Variants in GPC5 observed in about 807,000 individuals in gnomAD.
The protein encoded by GPC5 is glypican-5.
In GPC5, 47 loss-of-function variants were observed where a neutral mutation model predicts 53.9. That is an observed-to-expected ratio of 0.87 (90% CI 0.69 to 1.11). The LOEUF (loss-of-function observed/expected upper bound fraction) is 1.11. Among genes scored for constraint, GPC5 ranks in the 50% most tolerant of loss-of-function variants. The pLI is 0.00. For missense variants in GPC5, 748 were observed against 713.1 expected, an observed-to-expected ratio of 1.05 and a Z score of -0.56; for synonymous variants, 286 against 263.3, an observed-to-expected ratio of 1.09 and a Z score of -0.84.
chr13:91,567,728 A>G (rs1403497221), intron 2 of GPC5, among the ~76,000 whole-genome samples: 1 of 152,190 alleles, frequency 6.6e-6, no homozygotes, highest in Non-Finnish European at 1.5e-5. Flanking sequence ...GACCTTCAGC[A>G]GGGGTAACTG....
chr13:92,108,585 C>T (rs974450699), intron 6 of GPC5, among the ~76,000 whole-genome samples: 1 of 152,094 alleles, frequency 6.6e-6, no homozygotes. Context: ...TGTAAATCAC[C>T]ACAAAATAAT....
At chr13:92,495,992 G>C (rs1259794778) in intron 7 of GPC5, among the ~76,000 whole-genome samples, 3 of 151,774 alleles carry the variant, frequency 2.0e-5, no homozygotes, top group African/African-American at 7.3e-5. Flanking sequence ...TTAAATTTCT[G>C]TATCTCTTGA....
At chr13:92,008,112 G>T (rs915920745) in intron 6 of GPC5, among the ~76,000 whole-genome samples, 3 of 149,130 alleles carry the variant, frequency 2.0e-5, no homozygotes, top group Admixed American at 6.7e-5. Context: ...GCCCAGGCTG[G>T]AGTGCAGTGG....
At chr13:92,001,741 G>C (rs1177482184) in intron 6 of GPC5, among the ~76,000 whole-genome samples, 1 of 152,002 alleles carries the variant, frequency 6.6e-6, no homozygotes, top group African/African-American at 2.4e-5. Flanking sequence ...AAAATATTTT[G>C]ATGAAGGTAT....
intron 7 of GPC5, among the ~76,000 whole-genome samples, chr13:92,450,603 A>G (rs1179582788): frequency 1.3e-5 from 2 of 152,206 alleles, no homozygotes; most frequent in African/African-American, 4.8e-5. Flanking sequence ...TGAAGTAAAG[A>G]AAAACTATGC....
At chr13:92,012,398 CTTAA>C (rs1314685377) in intron 6 of GPC5, among the ~76,000 whole-genome samples, 5 of 152,074 alleles carry the variant, frequency 3.3e-5, no homozygotes, top group Admixed American at 1.3e-4. Context: ...TTACTTTTAA[CTTAA>C]TTGTTTATCA....
At chr13:92,706,703 G>A (rs955974663) in intron 7 of GPC5, among the ~76,000 whole-genome samples, 1 of 151,980 alleles carries the variant, frequency 6.6e-6, no homozygotes, top group South Asian at 2.1e-4. Context: ...AATATTTTCC[G>A]CTAACTAACT....
At chr13:92,726,605 T>C (rs1247134326) in intron 7 of GPC5, among the ~76,000 whole-genome samples, 1 of 151,620 alleles carries the variant, frequency 6.6e-6, no homozygotes. Context: ...AAAATTTAAC[T>C]GTTTATTCCA....
chr13:91,496,020 C>T (rs1184332970), intron 2 of GPC5, among the ~76,000 whole-genome samples: 1 of 143,132 alleles, frequency 7.0e-6, no homozygotes, highest in East Asian at 1.9e-4. Flanking sequence ...GAGACTCTGT[C>T]TCAAAAAAAA....
In GPC5 at chr13:92,567,758, G is replaced by A. The variant is rs1159180265; in HGVS notation, c.1562-298524G>A. 2.6e-5 allele frequency among the ~76,000 whole-genome samples: 4 copies of A among 152,130 alleles called. No homozygotes were observed. The South Asian group carries it at 6.2e-4, about 24-fold the overall frequency. On this transcript the variant is annotated intron_variant, in intron 7 of 7. Transcript: ENST00000377067. ...CCAGGGGAAACACAGCACTGTTGGTGTTTTGATTTTAGTCCAGTGAGACTT... is the reference window on the plus strand; with the variant it reads ...CCAGGGGAAACACAGCACTGTTGGTATTTTGATTTTAGTCCAGTGAGACTT...
chr13:92,568,208 GC>G (rs1386936764), intron 7 of GPC5, among the ~76,000 whole-genome samples: 3 of 152,048 alleles, frequency 2.0e-5, no homozygotes, highest in Non-Finnish European at 4.4e-5. Context: ...TATTACCAAT[GC>G]AAATAATATT....
intron 7 of GPC5, among the ~76,000 whole-genome samples, chr13:92,433,832 C>T (rs1877195185): frequency 6.6e-6 from 1 of 152,054 alleles, no homozygotes; most frequent in Non-Finnish European, 1.5e-5. Context: ...AACGGTGACA[C>T]CTACCTCTAG....
chr13:92,838,562 T>C (rs938883217), intron 7 of GPC5, among the ~76,000 whole-genome samples: 1 of 151,792 alleles, frequency 6.6e-6, no homozygotes, highest in African/African-American at 2.4e-5. Flanking sequence ...CTATAATTGT[T>C]ATACACAATT....
At chr13:92,559,330 ATGTGTGTGTG>A (rs5805755) in intron 7 of GPC5, among the ~76,000 whole-genome samples, 188 of 143,120 alleles carry the variant, frequency 1.3e-3, no homozygotes, top group African/African-American at 4.6e-3. Context: ...TAGTGTGTAT[ATGTGTGTGTG>A]TGTGTGTGTG....
At chr13:92,266,821 G>C (rs948783329) in intron 7 of GPC5, among the ~76,000 whole-genome samples, 2 of 151,716 alleles carry the variant, frequency 1.3e-5, no homozygotes, top group Non-Finnish European at 2.9e-5. Flanking sequence ...TCTTACTAAT[G>C]ATAGTGTAAT....
intron 5 of GPC5, among the ~76,000 whole-genome samples, chr13:91,871,173 G>A (rs570414754): frequency 1.3e-5 from 2 of 152,070 alleles, no homozygotes; most frequent in Non-Finnish European, 2.9e-5. Context: ...TTCAGATTTT[G>A]GAACATTTTC....
chr13:92,547,872 C>T (rs1440327786), intron 7 of GPC5, among the ~76,000 whole-genome samples: 1 of 139,238 alleles, frequency 7.2e-6, no homozygotes, highest in African/African-American at 2.8e-5. Context: ...CGCTGTCTCC[C>T]AGGCTGGAGT....
intron 1 of GPC5, among the ~76,000 whole-genome samples, chr13:91,436,933 A>G (rs373552932): frequency 1.3e-5 from 2 of 152,136 alleles, no homozygotes; most frequent in African/African-American, 4.8e-5. Flanking sequence ...TCCCTTTACC[A>G]TTATGTAATG....
chr13:91,678,419 C>T (rs1358460359), intron 2 of GPC5, among the ~76,000 whole-genome samples: 2 of 152,104 alleles, frequency 1.3e-5, no homozygotes, highest in Non-Finnish European at 2.9e-5. Context: ...TAATGAAACT[C>T]CTTAGCCATT....
Sources: allele counts gnomAD v4.1 joint callset (sites outside exome capture counted in the v4.1 genomes callset), GRCh38; gene constraint gnomAD v4.1.1; transcripts MANE v1.5; gene names NCBI Gene and HGNC (gene_info 2026-07-23, HGNC 2026-07-21).